The following KLHL29 variants were observed in gnomAD, a reference collection of about 807,000 sequenced individuals.
KLHL29 encodes kelch-like protein 29.
KLHL29 carries 21 observed loss-of-function variants against 80.4 expected under a neutral mutation model. The ratio of observed to expected loss-of-function variants is 0.26; its 90% CI spans 0.19 to 0.38. The LOEUF (loss-of-function observed/expected upper bound fraction) is 0.38, where lower values mean the gene tolerates loss of function less well. Among genes scored for constraint, KLHL29 ranks in the 10% least tolerant of loss-of-function variants. The probability of loss-of-function intolerance (pLI) is 1.00; values close to 1 mark genes in which losing one functional copy is unlikely to be tolerated. For synonymous variants in KLHL29, 511 were observed against 526.8 expected, an observed-to-expected ratio of 0.97 and a Z score of 0.41; for missense variants, 867 against 1,223.9, an observed-to-expected ratio of 0.71 and a Z score of 4.35.
At chr2:23,673,891 A>C (rs901935287) in intron 5 of KLHL29, among the ~76,000 whole-genome samples, 1 of 152,152 alleles carries the variant, frequency 6.6e-6, no homozygotes, top group East Asian at 1.9e-4. Context: ...ACACACGTAG[A>C]TACACATGCA....
intron 1 of KLHL29, among the ~76,000 whole-genome samples, chr2:23,442,946 G>A (rs113446171): frequency 2.3e-4 from 35 of 152,220 alleles, no homozygotes; most frequent in African/African-American, 8.2e-4. Flanking sequence ...TGTTCAAGGT[G>A]GATGTTCCAT....
chr2:23,705,637 T>G (rs900428377), intron 13 of KLHL29, among the ~76,000 whole-genome samples: 5 of 152,074 alleles, frequency 3.3e-5, no homozygotes, highest in African/African-American at 1.2e-4. Flanking sequence ...ACTGGAAGCT[T>G]CAGGGTCTGG....
At chr2:23,518,778 C>T (rs1390312769) in intron 2 of KLHL29, among the ~76,000 whole-genome samples, 1 of 152,214 alleles carries the variant, frequency 6.6e-6, no homozygotes, top group Non-Finnish European at 1.5e-5. Context: ...CCTCCACAGT[C>T]ACTCCTAGGT....
intron 12 of KLHL29, 134 bp downstream of exon 12, chr2:23,703,513 T>C: frequency 9.4e-7 from 1 of 1,062,048 alleles, no homozygotes; most frequent in Non-Finnish European, 1.3e-6. Flanking sequence ...GTGGCAGGAG[T>C]TGCCGAGCCC....
intron 11 of KLHL29, among the ~76,000 whole-genome samples, chr2:23,698,433 G>A (rs1399546079): frequency 6.6e-6 from 1 of 152,190 alleles, no homozygotes; most frequent in Non-Finnish European, 1.5e-5. Context: ...GGCACACAGT[G>A]GCAATGATGA....
rs1006353422 is a variant in KLHL29, at chr2:23,562,395, G to A, written c.199G>A (p.Ala67Thr). The A allele has an allele frequency of 1.3e-6, 2 of 1,538,954 alleles. No individual in the cohort carries two copies. Among genetic ancestry groups the A allele is most frequent in the Non-Finnish European group, 1.7e-6 (2 of 1,146,346 alleles). The change falls in exon 3 of 14, where the codon GCT becomes ACT. Residue 67 changes from alanine to threonine, a missense_variant. Transcript: ENST00000486442. The surrounding 1 kb of genome is among the most constrained non-coding windows in gnomAD (Gnocchi z 4.5). The stretch of plus-strand genomic sequence containing the variant: ...GGTGCCCTCCCGGCTGCCCACCCCG[G>A]CTACAGCTCCTGCTCCCTGCACCAC... Reference protein sequence around the residue: ...PVVPSRLPTPATAPAPCTTGS... With the variant: ...PVVPSRLPTPTTAPAPCTTGS...
Position 23,562,273 on chromosome 2 carries a change from C to A in KLHL29, c.77C>A (p.Thr26Lys). ...CGCCGCGAATGGAGCGTCAACGGGA[C>A]GCATGGGACCACCAGCATCTGCAGT... is the stretch of plus-strand genomic sequence containing the variant. ...WDRREWSVNG[T>K]HGTTSICSVT... Residue 26 changes from threonine (T) to lysine (K), a missense_variant, in exon 3 of 14, where the codon ACG (threonine) becomes AAG (lysine). By Grantham distance (78) the Thr-to-Lys change is moderately conservative. Transcript: ENST00000486442. The surrounding 1 kb of genome is among the most constrained non-coding windows in gnomAD (Gnocchi z 4.5). The A allele has an allele frequency of 6.5e-7, 1 of 1,549,186 alleles. No homozygotes were observed. The highest frequency in any genetic ancestry group is 2.0e-5 in the Admixed American group (1 of 50,924).
intron 5 of KLHL29, among the ~76,000 whole-genome samples, chr2:23,683,896 G>A (rs1671162476): frequency 6.6e-6 from 1 of 152,194 alleles, no homozygotes; most frequent in South Asian, 2.1e-4. Flanking sequence ...GGCTGTGAGT[G>A]TCTAACATAA....
rs961394455 is a variant in KLHL29 at position 23,503,207 on chromosome 2, G to A, written c.-46+27540G>A. ...TGAGTGGAGGCTGCTGTCCTGTGAA[G>A]TAGACCTGGCAGGGGATGGCTGCTC... On this transcript the variant is annotated intron_variant, in intron 2 of 13. Transcript: ENST00000486442. This position sits in a 1 kb window ranked among gnomAD's most constrained non-coding sequence, Gnocchi z 4.0. Among the ~76,000 whole-genome samples the A allele has an allele frequency of 2.6e-5, 4 of 152,204 alleles. No homozygotes were observed. The highest frequency in any genetic ancestry group is 5.9e-5 in the Non-Finnish European group (4 of 68,034).
chr2:23,405,565 A>G (rs1348342816), intron 1 of KLHL29, among the ~76,000 whole-genome samples: 6 of 152,226 alleles, frequency 3.9e-5, no homozygotes, highest in Non-Finnish European at 8.8e-5. Context: ...GCTGGCATCC[A>G]GTTCCACAGA....
At chr2:23,409,271 C>T (rs1302852731) in intron 1 of KLHL29, among the ~76,000 whole-genome samples, 5 of 152,194 alleles carry the variant, frequency 3.3e-5, no homozygotes, top group Non-Finnish European at 7.3e-5. Flanking sequence ...ACTTCACTCT[C>T]CGCAGCTGTA....
chr2:23,653,241 A>G (rs959109639), intron 5 of KLHL29, among the ~76,000 whole-genome samples: 1 of 152,182 alleles, frequency 6.6e-6, no homozygotes, highest in Admixed American at 6.5e-5. Flanking sequence ...TCACCTAGCT[A>G]TCACATTTCC....
At chr2:23,511,477 G>A (rs1293235092) in intron 2 of KLHL29, among the ~76,000 whole-genome samples, 1 of 152,184 alleles carries the variant, frequency 6.6e-6, no homozygotes, top group Non-Finnish European at 1.5e-5. Flanking sequence ...AGCGGGGAGT[G>A]TTAGGGAAGC....
intron 1 of KLHL29, among the ~76,000 whole-genome samples, chr2:23,406,706 A>G (rs1284363339): frequency 6.6e-6 from 1 of 152,166 alleles, no homozygotes; most frequent in African/African-American, 2.4e-5. Flanking sequence ...GCCTGTCACA[A>G]TATCCACCCT....
chr2:23,565,475 C>T (rs1275065718), intron 3 of KLHL29, among the ~76,000 whole-genome samples: 2 of 152,196 alleles, frequency 1.3e-5, no homozygotes, highest in Admixed American at 6.5e-5. Context: ...CAAACCTACC[C>T]CTTGGCTGGG....
rs1671059502 is a variant in KLHL29 at position 23,680,671 on chromosome 2, C to CTCTCTAGGCCATCTTCCCCTGGGG, written c.941-3663_941-3640dup. On this transcript the variant is annotated intron_variant, in intron 5 of 13. Coordinates refer to ENST00000486442, the MANE Select transcript of KLHL29 (RefSeq NM_052920.2). The surrounding 1 kb of genome is among the most constrained non-coding windows in gnomAD (Gnocchi z 4.1). ...GGTCTCTAGGCCATCTTCTCCTGGG[C>CTCTCTAGGCCATCTTCCCCTGGGG]TCTCTAGGCCATCTTCCCCTGGGGT... 7.1e-6 allele frequency among the ~76,000 whole-genome samples: 1 copy of CTCTCTAGGCCATCTTCCCCTGGGG among 140,162 alleles called. No individual in the cohort carries two copies. The highest frequency in any genetic ancestry group is 2.6e-5 in the African/African-American group (1 of 37,980). 92.0% of individuals were successfully genotyped at this position (140,162 alleles called of 152,430 possible).
At chr2:23,427,964 A>G (rs1663051474) in intron 1 of KLHL29, among the ~76,000 whole-genome samples, 1 of 152,218 alleles carries the variant, frequency 6.6e-6, no homozygotes, top group African/African-American at 2.4e-5. Context: ...CCCGTTTAAT[A>G]GAGAATGCCA....
At chr2:23,393,927 A>G (rs1666384650) in intron 1 of KLHL29, among the ~76,000 whole-genome samples, 1 of 151,946 alleles carries the variant, frequency 6.6e-6, no homozygotes, top group Admixed American at 6.6e-5. Flanking sequence ...GCTTGTCTCT[A>G]CCCTAGAAGT....
intron 2 of KLHL29, among the ~76,000 whole-genome samples, chr2:23,537,487 G>A (rs1263262515): frequency 7.0e-6 from 1 of 142,242 alleles, no homozygotes. Context: ...CGCTTCTCCA[G>A]CAGATCGGGA....
Sources: gnomAD v4.1 joint callset for allele counts (sites outside exome capture counted in the v4.1 genomes callset) on GRCh38, gnomAD v4.1.1 for gene constraint, Gnocchi (gnomAD v3.1) non-coding constraint, MANE v1.5 for transcripts, NCBI Gene and HGNC (gene_info 2026-07-23, HGNC 2026-07-21) for gene names.